EVC2: variants seen among roughly 807,000 people sequenced by gnomAD.
EVC2 encodes limbin.
EVC2 carries 148 observed loss-of-function variants against 149.3 expected under a neutral mutation model. The observed-to-expected ratio is 0.99, with a 90% CI of 0.87 to 1.14. The LOEUF (loss-of-function observed/expected upper bound fraction) is 1.14, where lower values mean the gene tolerates loss of function less well. Among genes scored for constraint, EVC2 ranks in the 50% most tolerant of loss-of-function variants. The pLI, the probability that EVC2 is intolerant of heterozygous loss-of-function variation, is 0.00. For missense variants in EVC2, 1,854 were observed against 1,627.3 expected (o/e 1.14, Z -2.40); for synonymous variants, 776 against 649.9 (o/e 1.19, Z -2.95).
Position 5,622,738 on chromosome 4 carries a change from C to T in EVC2, c.2300G>A (p.Gly767Glu). The T allele has an allele frequency of 1.2e-6, 2 of 1,614,142 alleles. No individual in the cohort carries two copies. Among genetic ancestry groups the T allele is most frequent in the Non-Finnish European group, 1.7e-6 (2 of 1,180,044 alleles). Residue 767 changes from glycine (G) to glutamate (E), a missense_variant, in exon 14 of 22, where the codon GGG becomes GAG. Physicochemically the swap from Gly to Glu is moderately conservative, Grantham distance 98. Coordinates refer to ENST00000344408, the MANE Select transcript of EVC2 (RefSeq NM_147127.5). The surrounding 1 kb of genome is among the most constrained non-coding windows in gnomAD (Gnocchi z 5.8). ...CTGCTGCAGGAAGAGCCAGGGCACC[C>T]CACGCTTGAGCAGCTCCTGGGTCAT... ...SAMTQELLKR[G>E]VPWLFLQQIL...
At chr4:5,589,270 T>C (rs1479436898) in intron 16 of EVC2, among the ~76,000 whole-genome samples, 1 of 152,228 alleles carries the variant, frequency 6.6e-6, no homozygotes, top group African/African-American at 2.4e-5. Flanking sequence ...TTGAGTACTA[T>C]ATTTGATGTC....
rs1045818607 is a variant in EVC2, at chr4:5,613,654, A to G, written c.2829+1768T>C. 2.1e-4 allele frequency among the ~76,000 whole-genome samples: 31 copies of G among 149,888 alleles called. 1 individual carries two copies. The highest frequency in any genetic ancestry group is 2.5e-5 in the African/African-American group (1 of 39,390). ...CCCCCACAAGGAACCCCCTAGTGAC[A>G]CTGTGATTGCTTGATGGAGTTTGTT... On this transcript the variant is annotated intron_variant, in intron 16 of 21. Coordinates refer to ENST00000344408, the MANE Select transcript of EVC2 (RefSeq NM_147127.5). The surrounding 1 kb of genome is among the most constrained non-coding windows in gnomAD (Gnocchi z 4.6).
intron 16 of EVC2, among the ~76,000 whole-genome samples, chr4:5,604,184 C>A (rs188630854): frequency 1.7e-3 from 260 of 152,256 alleles, no homozygotes; most frequent in Non-Finnish European, 2.9e-3. Context: ...TGAAAACAAC[C>A]TAAATATCCA....
intron 17 of EVC2, among the ~76,000 whole-genome samples, chr4:5,577,085 T>C (rs1484673303): frequency 6.6e-6 from 1 of 152,210 alleles, no homozygotes; most frequent in African/African-American, 2.4e-5. Flanking sequence ...CATACGTGAA[T>C]CTCACTGAAC....
downstream of EVC2, among the ~76,000 whole-genome samples, chr4:5,539,815 T>C (rs921611074): frequency 1.3e-5 from 2 of 151,488 alleles, no homozygotes; most frequent in African/African-American, 2.4e-5. Context: ...AAGTGTGACC[T>C]TGAGTTGAGC....
rs1560243887 is a variant in EVC2 at position 5,706,449 on chromosome 4, C to CATAGATAGATAGATACATAGATAGATAG, written c.228+1836_228+1837insCTATCTATCTATGTATCTATCTATCTAT. On this transcript the variant is annotated intron_variant, in intron 1 of 21. Coordinates refer to ENST00000344408, the MANE Select transcript of EVC2 (RefSeq NM_147127.5). ...AGATACATAGATAGATAGATAGATA[C>CATAGATAGATAGATACATAGATAGATAG]ATACATACATACATACATACATACA... Among the ~76,000 whole-genome samples the CATAGATAGATAGATACATAGATAGATAG allele has an allele frequency of 3.1e-3, 113 of 35,956 alleles. 3 individuals carry two copies. The highest frequency in any genetic ancestry group is 0.012 in the South Asian group (11 of 918). 23.6% of individuals were successfully genotyped at this position (35,956 alleles called of 152,430 possible).
intron 16 of EVC2, among the ~76,000 whole-genome samples, chr4:5,605,218 G>T (rs1217157822): frequency 6.6e-6 from 1 of 152,196 alleles, no homozygotes; most frequent in East Asian, 1.9e-4. Flanking sequence ...TTACACACGA[G>T]TTCTACTCAT....
At chr4:5,652,569 CA>C (rs1376659922) in intron 9 of EVC2, among the ~76,000 whole-genome samples, 1 of 152,114 alleles carries the variant, frequency 6.6e-6, no homozygotes, top group Non-Finnish European at 1.5e-5. Context: ...GCAGCTGTGC[CA>C]GGAAGTTAAG....
At chr4:5,609,846 C>T (rs1714684246) in intron 16 of EVC2, among the ~76,000 whole-genome samples, 1 of 152,200 alleles carries the variant, frequency 6.6e-6, no homozygotes, top group African/African-American at 2.4e-5. Context: ...CTGGGTCTGC[C>T]ACTGCCTGGC....
chr4:5,628,880 C>G, intron 11 of EVC2, 146 bp from the exon 12 acceptor site: 1 of 840,806 alleles, frequency 1.2e-6, no homozygotes, highest in South Asian at 1.7e-5. Context: ...ACCTCCCTGC[C>G]TGTAACAAAG....
chr4:5,588,193 T>C lies in EVC2; in HGVS notation c.2830-3343A>G, dbSNP rs151244219. Among the ~76,000 whole-genome samples the C allele has an allele frequency of 3.6e-4, 55 of 152,352 alleles. 1 individual carries two copies. In the East Asian group the frequency reaches 9.8e-3, roughly 27 times the overall value. ...GAATTTTAGGTGGCAGTTTTCCTCATTGTTTTGAAGACATTGCTCCATGTT... is the reference window on the plus strand; with the variant it reads ...GAATTTTAGGTGGCAGTTTTCCTCACTGTTTTGAAGACATTGCTCCATGTT... On this transcript the variant is annotated intron_variant, in intron 16 of 21. Transcript: ENST00000344408.
rs1329332672 is a variant in EVC2, at chr4:5,686,778, T to C, written c.707-1299A>G. Among the ~76,000 whole-genome samples, 2 of 151,728 alleles carry C rather than the reference T, an allele frequency of 1.3e-5. No individual in the cohort carries two copies. The highest frequency in any genetic ancestry group is 2.4e-5 in the African/African-American group (1 of 41,260). ...ATTTGATTTTATAGTTATCTACTTA[T>C]GCTTTGGGGAAAAAAAAAAAAAGTC... On this transcript the variant is annotated intron_variant, in intron 5 of 21. Transcript: ENST00000344408. This position sits in a 1 kb window ranked among gnomAD's most constrained non-coding sequence, Gnocchi z 5.4.
intron 7 of EVC2, 30 bp from the exon 8 acceptor site, chr4:5,665,679 T>A: frequency 1.2e-6 from 2 of 1,612,520 alleles, no homozygotes; most frequent in Non-Finnish European, 1.7e-6. Flanking sequence ...GCAGGATTCA[T>A]GTGTGGTCAG....
rs759908762 is a variant in EVC2 at position 5,625,944 on chromosome 4, T to C, written c.1887-36A>G. The C allele has an allele frequency of 3.7e-6, 6 of 1,612,920 alleles. No homozygotes were observed. The Admixed American group carries it at 1.0e-4, about 27-fold the overall frequency. ...AGGATGTAAAGTTAGGAATGTGGTC[T>C]CCAAACTCACCTGTAGCTTAACTGC... On this transcript the variant is annotated intron_variant, in intron 12 of 21. Transcript: ENST00000344408. The surrounding 1 kb of genome is among the most constrained non-coding windows in gnomAD (Gnocchi z 4.0).
At chr4:5,575,279 C>A (rs980511881) in intron 18 of EVC2, among the ~76,000 whole-genome samples, 1 of 152,168 alleles carries the variant, frequency 6.6e-6, no homozygotes, top group Admixed American at 6.5e-5. Flanking sequence ...CTCTTCCTGG[C>A]TAATACACCC....
In EVC2 at chr4:5,622,520, C is replaced by A. The variant is rs755613338; in HGVS notation, c.2501+17G>T. ...ACGGGATGGGGAGGGGTGATTACGA[C>A]CCGCAAAGGCACTCACATGAAGATC... On this transcript the variant is annotated intron_variant, in intron 14 of 21. Coordinates refer to ENST00000344408, the MANE Select transcript of EVC2 (RefSeq NM_147127.5). This position sits in a 1 kb window ranked among gnomAD's most constrained non-coding sequence, Gnocchi z 5.8. The A allele has an allele frequency of 7.4e-6, 12 of 1,611,774 alleles. No homozygotes were observed. The African/African-American group carries it at 1.5e-4, about 20-fold the overall frequency.
intron 9 of EVC2, among the ~76,000 whole-genome samples, chr4:5,659,082 C>T (rs932805159): frequency 6.6e-6 from 1 of 152,078 alleles, no homozygotes; most frequent in Admixed American, 6.5e-5. Context: ...AAAGATAAAC[C>T]ACCACGCACA....
chr4:5,694,706 A>G (rs1249783277), intron 2 of EVC2, among the ~76,000 whole-genome samples: 2 of 152,314 alleles, frequency 1.3e-5, no homozygotes, highest in South Asian at 2.1e-4. Context: ...ACTTAAGAAG[A>G]GCATTTTTCA....
chr4:5,640,291 G>T lies in EVC2; in HGVS notation c.1470+223C>A. Among the ~76,000 whole-genome samples, 1 of 151,894 alleles carries T rather than the reference G, an allele frequency of 6.6e-6. No individual in the cohort carries two copies. The highest frequency in any genetic ancestry group is 1.9e-4 in the East Asian group (1 of 5,168). The stretch of plus-strand genomic sequence containing the variant: ...ATTGGATGAGTGGGTGGATGGATGA[G>T]TGGGTGAATGGGTAGATGGGTGGAT... On this transcript the variant is annotated intron_variant, in intron 10 of 21. Transcript: ENST00000344408. This position sits in a 1 kb window ranked among gnomAD's most constrained non-coding sequence, Gnocchi z 4.6.
Sources: gnomAD v4.1 joint callset for allele counts (sites outside exome capture counted in the v4.1 genomes callset) on GRCh38, gnomAD v4.1.1 for gene constraint, Gnocchi (gnomAD v3.1) non-coding constraint, MANE v1.5 for transcripts, NCBI Gene and HGNC (gene_info 2026-07-23, HGNC 2026-07-21) for gene names.